PARP8: variants seen among roughly 807,000 people sequenced by gnomAD.
The protein encoded by PARP8 is protein mono-ADP-ribosyltransferase PARP8.
PARP8 carries 51 observed loss-of-function variants against 124.1 expected under a neutral mutation model. The ratio of observed to expected loss-of-function variants is 0.41; its 90% confidence interval spans 0.33 to 0.52. PARP8 has a LOEUF of 0.52. Among genes scored for constraint, PARP8 ranks in the 20% least tolerant of loss-of-function variants. The probability of loss-of-function intolerance (pLI) is 0.21; values close to 1 mark genes in which losing one functional copy is unlikely to be tolerated. For missense variants in PARP8, 860 were observed against 1,018.9 expected (o/e 0.84, Z 2.12); for synonymous variants, 391 against 361.5 (o/e 1.08, Z -0.93).
chr5:50,833,122 G>GTCTCT (rs1196058512), intron 23 of PARP8, among the ~76,000 whole-genome samples: 1 of 152,076 alleles, frequency 6.6e-6, no homozygotes, highest in Non-Finnish European at 1.5e-5. Context: ...CACATATTCC[G>GTCTCT]TCTCTTGGAG....
At chr5:50,757,212 A>G (rs1391275134) in intron 3 of PARP8, 1 of 455,586 alleles carries the variant, frequency 2.2e-6, no homozygotes, top group South Asian at 1.6e-5. Flanking sequence ...GATTGCTGAA[A>G]TGGGTAAAGT....
intron 2 of PARP8, among the ~76,000 whole-genome samples, chr5:50,736,661 G>T (rs949599657): frequency 3.3e-5 from 5 of 152,128 alleles, no homozygotes; most frequent in African/African-American, 1.2e-4. Context: ...GTAATGCCAT[G>T]AACAAGAATC....
At chr5:50,727,991 A>G (rs1448297640) in intron 2 of PARP8, among the ~76,000 whole-genome samples, 2 of 152,170 alleles carry the variant, frequency 1.3e-5, no homozygotes, top group Admixed American at 1.3e-4. Context: ...GTGTTGGCAC[A>G]GAGTGGGTCT....
At chr5:50,771,031 A>T (rs1273760088) in intron 7 of PARP8, among the ~76,000 whole-genome samples, 1 of 151,914 alleles carries the variant, frequency 6.6e-6, no homozygotes, top group Non-Finnish European at 1.5e-5. Context: ...TCATTTATTT[A>T]TGTAACCTAT....
intron 25 of PARP8, among the ~76,000 whole-genome samples, chr5:50,839,063 G>C (rs1369120591): frequency 1.3e-5 from 2 of 151,996 alleles, no homozygotes; most frequent in Non-Finnish European, 2.9e-5. Context: ...CTGGGCTCAA[G>C]TGATCCTCCC....
intron 3 of PARP8, among the ~76,000 whole-genome samples, chr5:50,755,931 C>A (rs563346918): frequency 6.6e-6 from 1 of 152,212 alleles, no homozygotes; most frequent in Admixed American, 6.5e-5. Flanking sequence ...GTATTTTATT[C>A]TCTTTGAAGC....
intron 3 of PARP8, among the ~76,000 whole-genome samples, chr5:50,750,911 A>T (rs1428839395): frequency 2.8e-5 from 3 of 108,450 alleles, no homozygotes; most frequent in African/African-American, 7.6e-5. Context: ...TACAAGAAGT[A>T]TTTATAAGAA....
upstream of PARP8, chr5:50,666,454 C>T (rs1749284835): frequency 6.6e-6 from 1 of 151,562 alleles, no homozygotes; most frequent in African/African-American, 2.4e-5. Context: ...GCTCCCGGCG[C>T]GAGTGGAGGT....
chr5:50,786,826 A>G (rs371158496), intron 9 of PARP8, among the ~76,000 whole-genome samples: 1 of 152,120 alleles, frequency 6.6e-6, no homozygotes, highest in East Asian at 1.9e-4. Flanking sequence ...GTGGTTTCTC[A>G]TTCAGCCTCA....
intron 7 of PARP8, among the ~76,000 whole-genome samples, chr5:50,768,011 ATGTGTGTGTG>A (rs371344583): frequency 4.7e-5 from 7 of 149,946 alleles, no homozygotes; most frequent in Admixed American, 6.6e-5. Context: ...ATATACATAT[ATGTGTGTGTG>A]TGTGTGTGTG....
chr5:50,795,477 T>C, intron 12 of PARP8, 60 bp downstream of exon 12: 4 of 1,403,080 alleles, frequency 2.9e-6, no homozygotes, highest in Non-Finnish European at 3.8e-6. Context: ...TAGAATTTTT[T>C]TTTTCTTATA....
intron 22 of PARP8, among the ~76,000 whole-genome samples, 180 bp from the exon 23 acceptor site, chr5:50,832,601 G>C (rs1747103939): frequency 6.6e-6 from 1 of 152,096 alleles, no homozygotes; most frequent in South Asian, 2.1e-4. Flanking sequence ...ACTTTCCCAG[G>C]ACTTCCCAAA....
chr5:50,667,152 G>A lies in PARP8; in HGVS notation c.57G>A (p.Gln19=), dbSNP rs963377971. The stretch of plus-strand genomic sequence containing the variant: ...AGAAGGATATCGACGTCGTGATCCA[G>A]AAGTCCAGAGCTGAGAAGGACTGCC... ...RIQKDIDVVI[Q]KSRAEKDCLF... The change falls in exon 1 of 26, where the codon CAG becomes CAA. Residue 19 remains glutamine (Q), a synonymous_variant. Transcript: ENST00000281631. The A allele has an allele frequency of 6.3e-7, 1 of 1,596,404 alleles. No homozygotes were observed.
chr5:50,773,983 C>T (rs561453162), intron 7 of PARP8, among the ~76,000 whole-genome samples: 19 of 152,124 alleles, frequency 1.2e-4, no homozygotes, highest in Admixed American at 2.0e-4. Flanking sequence ...GAGGTCCCTG[C>T]GGCCTTCCAC....
At chr5:50,782,606 C>T (rs1164068486) in intron 9 of PARP8, among the ~76,000 whole-genome samples, 1 of 152,078 alleles carries the variant, frequency 6.6e-6, no homozygotes, top group Non-Finnish European at 1.5e-5. Context: ...GTGCTATGCC[C>T]ATAATGCCTC....
At chr5:50,667,355 A>G (rs1749416762) in intron 1 of PARP8, among the ~76,000 whole-genome samples, 169 bp downstream of exon 1, 1 of 152,198 alleles carries the variant, frequency 6.6e-6, no homozygotes, top group African/African-American at 2.4e-5. Flanking sequence ...AGGGGGCGCC[A>G]GCCTCTCCCC....
At chr5:50,675,378 C>T (rs1189662533) in intron 2 of PARP8, among the ~76,000 whole-genome samples, 3 of 152,144 alleles carry the variant, frequency 2.0e-5, no homozygotes, top group Non-Finnish European at 2.9e-5. Context: ...GATCTTGGCT[C>T]GCTGCAACCT....
At chr5:50,672,055 G>A (rs1470775659) in intron 2 of PARP8, among the ~76,000 whole-genome samples, 1 of 152,138 alleles carries the variant, frequency 6.6e-6, no homozygotes, top group African/African-American at 2.4e-5. Context: ...TTTCTCCTGA[G>A]CCTTTGCACA....
At chr5:50,841,757 G>T (rs1748208710) in intron 25 of PARP8, among the ~76,000 whole-genome samples, 1 of 151,212 alleles carries the variant, frequency 6.6e-6, no homozygotes, top group African/African-American at 2.4e-5. Context: ...AAAAAAAATG[G>T]AAGAAAGGGG....
Sources: allele counts gnomAD v4.1 joint callset (sites outside exome capture counted in the v4.1 genomes callset), GRCh38; gene constraint gnomAD v4.1.1; transcripts MANE v1.5; gene names NCBI Gene and HGNC (gene_info 2026-07-23, HGNC 2026-07-21).